PSD3: variants seen among roughly 807,000 people sequenced by gnomAD.
The protein encoded by PSD3 is PH and SEC7 domain-containing protein 3.
A neutral mutation model predicts 105.5 loss-of-function variants in PSD3; 49 were observed. The observed-to-expected ratio is 0.46, with a 90% CI of 0.37 to 0.59. PSD3 has a LOEUF of 0.59. Ranked by LOEUF, PSD3 falls within the 20% of genes least tolerant of loss-of-function variation. PSD3 has a pLI of 0.00. For missense variants in PSD3, 1,561 were observed against 1,263.8 expected, an observed-to-expected ratio of 1.24 and a Z score of -3.57; for synonymous variants, 557 against 457.8, an observed-to-expected ratio of 1.22 and a Z score of -2.77.
At chr8:18,753,384 G>C (rs543799428) in intron 9 of PSD3, among the ~76,000 whole-genome samples, 1 of 151,648 alleles carries the variant, frequency 6.6e-6, no homozygotes, top group African/African-American at 2.4e-5. Flanking sequence ...CAAAAGAAAA[G>C]AATGTGTGAA....
At chr8:18,922,684 G>A (rs7002797) in intron 2 of PSD3, among the ~76,000 whole-genome samples, 2,513 of 152,212 alleles carry the variant, frequency 0.017, 80 homozygotes, top group African/African-American at 0.058. Flanking sequence ...ATCTAAAGCC[G>A]TAGGTTGTTT....
chr8:18,783,518 T>G (rs1379608497), intron 8 of PSD3, among the ~76,000 whole-genome samples: 1 of 152,230 alleles, frequency 6.6e-6, no homozygotes, highest in Non-Finnish European at 1.5e-5. Flanking sequence ...TTTCTTTCAT[T>G]AGGTTAGACT....
At chr8:18,665,948 A>G (rs2130890675) in intron 9 of PSD3, among the ~76,000 whole-genome samples, 1 of 152,374 alleles carries the variant, frequency 6.6e-6, no homozygotes, top group East Asian at 1.9e-4. Context: ...CACCACCCTG[A>G]TTAGTCAGCA....
At chr8:18,540,005 T>C (rs939048673) in intron 15 of PSD3, among the ~76,000 whole-genome samples, 1 of 152,124 alleles carries the variant, frequency 6.6e-6, no homozygotes, top group Non-Finnish European at 1.5e-5. Context: ...CTAATGGAAC[T>C]GTGCGCTTTA....
At chr8:18,632,537 T>C in intron 11 of PSD3, 76 bp downstream of exon 11, 1 of 1,460,898 alleles carries the variant, frequency 6.8e-7, no homozygotes, top group Admixed American at 2.2e-5. Context: ...TCCTTGACTT[T>C]CAGATAAATT....
chr8:18,748,294 T>A (rs570869700), intron 9 of PSD3, among the ~76,000 whole-genome samples: 1 of 152,190 alleles, frequency 6.6e-6, no homozygotes, highest in Non-Finnish European at 1.5e-5. Context: ...TAAAAAGGTA[T>A]ATACAACTCT....
At chr8:19,071,342 C>G (rs536230452) in intron 1 of PSD3, among the ~76,000 whole-genome samples, 23 of 151,858 alleles carry the variant, frequency 1.5e-4, no homozygotes, top group Middle Eastern at 3.4e-3. Context: ...TTTTTTTATT[C>G]TTTATTTCTT....
At chr8:18,707,290 G>A (rs1458646623) in intron 9 of PSD3, among the ~76,000 whole-genome samples, 1 of 152,122 alleles carries the variant, frequency 6.6e-6, no homozygotes, top group East Asian at 1.9e-4. Context: ...CCTGTGTCAA[G>A]TCTATGAGAC....
At chr8:19,081,446 C>A (rs1340603471) in intron 1 of PSD3, among the ~76,000 whole-genome samples, 1 of 152,190 alleles carries the variant, frequency 6.6e-6, no homozygotes, top group African/African-American at 2.4e-5. Flanking sequence ...TGGGGGTAGA[C>A]AACTTGAGGG....
rs1394662060 is a variant in PSD3, at chr8:18,531,031, C to T, written c.*4712G>A. The T allele has an allele frequency of 6.6e-6, 1 of 152,180 alleles. No individual in the cohort carries two copies. The highest frequency in any genetic ancestry group is 1.5e-5 in the Non-Finnish European group (1 of 68,032). 9.4% of individuals were successfully genotyped at this position (152,180 alleles called of 1,614,324 possible). A position where few individuals can be genotyped will look rare whatever the true frequency, so the allele number is the denominator to read the frequency against. ...CATACACTGATATGCAATCTACACA[C>T]TGATGCATTTACATACATACAACTA... is the stretch of plus-strand genomic sequence containing the variant. On this transcript the variant is annotated 3_prime_UTR_variant, in exon 16 of 16. Transcript: ENST00000327040.
chr8:18,616,874 C>T (rs934715200), intron 11 of PSD3, among the ~76,000 whole-genome samples: 6 of 151,970 alleles, frequency 3.9e-5, no homozygotes, highest in African/African-American at 1.4e-4. Context: ...CCGCCCGCCT[C>T]GGCCTCCCAA....
At chr8:18,661,530 G>A (rs150637042) in intron 9 of PSD3, among the ~76,000 whole-genome samples, 1 of 152,206 alleles carries the variant, frequency 6.6e-6, no homozygotes, top group Non-Finnish European at 1.5e-5. Context: ...TTCTACTATC[G>A]TCTCTATGCC....
chr8:18,955,252 G>A (rs528914354), intron 1 of PSD3, among the ~76,000 whole-genome samples: 1 of 152,128 alleles, frequency 6.6e-6, no homozygotes, highest in South Asian at 2.1e-4. Flanking sequence ...TCTCTTTTGT[G>A]TTTTTAGAGA....
At chr8:18,776,847 C>T (rs941738273) in intron 8 of PSD3, among the ~76,000 whole-genome samples, 1 of 152,098 alleles carries the variant, frequency 6.6e-6, no homozygotes, top group African/African-American at 2.4e-5. Flanking sequence ...CTTGAATCTT[C>T]TTGGTAGTTT....
chr8:18,815,894 T>C (rs543713600), intron 4 of PSD3, among the ~76,000 whole-genome samples: 28 of 152,314 alleles, frequency 1.8e-4, no homozygotes, highest in African/African-American at 6.3e-4. Flanking sequence ...AGCTGCTCTA[T>C]GCGATATAGG....
intron 15 of PSD3, among the ~76,000 whole-genome samples, chr8:18,542,947 C>T (rs892847044): frequency 6.6e-6 from 1 of 152,204 alleles, no homozygotes; most frequent in Non-Finnish European, 1.5e-5. Flanking sequence ...CCACACTCAG[C>T]TTCCTTCCTT....
At chr8:18,880,909 A>C (rs1250716478) in intron 2 of PSD3, among the ~76,000 whole-genome samples, 1 of 152,270 alleles carries the variant, frequency 6.6e-6, no homozygotes, top group African/African-American at 2.4e-5. Flanking sequence ...GAATTAATAA[A>C]GAGTTCATAC....
intron 9 of PSD3, among the ~76,000 whole-genome samples, chr8:18,697,613 TAAG>T (rs1466548862): frequency 6.6e-6 from 1 of 152,216 alleles, no homozygotes; most frequent in Non-Finnish European, 1.5e-5. Context: ...AATGGAGTTC[TAAG>T]AAAAGAACAT....
chr8:18,748,478 G>C lies in PSD3; in HGVS notation c.2172+16971C>G, dbSNP rs377175623. On this transcript the variant is annotated intron_variant, in intron 9 of 15. Transcript: ENST00000327040. ...GATCGAGACTATCCTGGCTAACACGGTGAAACCCCATCTCTACTAAAAATA... is the reference window on the plus strand; with the variant it reads ...GATCGAGACTATCCTGGCTAACACGCTGAAACCCCATCTCTACTAAAAATA... 3.3e-5 allele frequency among the ~76,000 whole-genome samples: 5 copies of C among 151,890 alleles called. No homozygotes were observed. The East Asian group carries it at 9.8e-4, about 30-fold the overall frequency.
Sources: allele counts gnomAD v4.1 joint callset (sites outside exome capture counted in the v4.1 genomes callset), GRCh38; gene constraint gnomAD v4.1.1; transcripts MANE v1.5; gene names NCBI Gene and HGNC (gene_info 2026-07-23, HGNC 2026-07-21).